The following RFX3 variants were observed in gnomAD, a reference collection of about 807,000 sequenced individuals.
RFX3 encodes the protein regulatory factor X3, also known as transcription factor RFX3.
In RFX3, 14 loss-of-function variants were observed where a neutral mutation model predicts 98.6. The observed-to-expected ratio is 0.14, with a 90% confidence interval of 0.09 to 0.22. The LOEUF (loss-of-function observed/expected upper bound fraction) is 0.22. RFX3 is among the 10% of genes least tolerant of loss of function. The pLI is 1.00. For missense variants in RFX3, 639 were observed against 926.9 expected (o/e 0.69, Z 4.03); for synonymous variants, 383 against 328.4 (o/e 1.17, Z -1.80).
intron 1 of RFX3, among the ~76,000 whole-genome samples, chr9:3,476,178 T>C (rs866789875): frequency 6.7e-6 from 1 of 149,982 alleles, no homozygotes; most frequent in South Asian, 2.1e-4. Context: ...ATATAATATA[T>C]ATAATATATA....
At chr9:3,468,825 A>G (rs80127520) in intron 1 of RFX3, among the ~76,000 whole-genome samples, 18 of 151,094 alleles carry the variant, frequency 1.2e-4, no homozygotes, top group African/African-American at 3.4e-4. Context: ...GAAAAAAAAA[A>G]AAAAAAGAAA....
intron 2 of RFX3, among the ~76,000 whole-genome samples, chr9:3,376,612 G>C (rs1279090063): frequency 6.6e-6 from 1 of 152,126 alleles, no homozygotes; most frequent in Non-Finnish European, 1.5e-5. Flanking sequence ...CTGAACTAAA[G>C]AGCTTCTGCA....
intron 1 of RFX3, among the ~76,000 whole-genome samples, chr9:3,482,520 C>G (rs1038578522): frequency 1.3e-5 from 2 of 152,170 alleles, no homozygotes; most frequent in African/African-American, 4.8e-5. Context: ...ATTGTTTTCA[C>G]TTAAAATAAT....
intron 4 of RFX3, among the ~76,000 whole-genome samples, chr9:3,313,589 T>C (rs936492102): frequency 1.3e-5 from 2 of 152,138 alleles, no homozygotes; most frequent in African/African-American, 2.4e-5. Context: ...TAAAGGAGGA[T>C]GTTCGAACCC....
Position 3,525,797 on chromosome 9 carries a change from G to A in RFX3, c.-59C>T. Reference sequence around the variant, plus strand: ...GTTGGTGGGTGATGGAGATGGTGGTGGTGGGGAGGAGGAGGAGGAAGAGGA... The same window carrying A: ...GTTGGTGGGTGATGGAGATGGTGGTAGTGGGGAGGAGGAGGAGGAAGAGGA... On this transcript the variant is annotated 5_prime_UTR_variant, in exon 1 of 17. Transcript: ENST00000617270. 1 of 621,038 alleles carries A rather than the reference G, an allele frequency of 1.6e-6. No homozygotes were observed. The highest frequency in any genetic ancestry group is 2.0e-6 in the Non-Finnish European group (1 of 496,392). 38.5% of individuals were successfully genotyped at this position (621,038 alleles called of 1,614,324 possible).
chr9:3,258,297 T>C (rs899644288), intron 13 of RFX3, among the ~76,000 whole-genome samples: 18 of 152,138 alleles, frequency 1.2e-4, no homozygotes, highest in African/African-American at 4.1e-4. Flanking sequence ...TACATATGTA[T>C]TTTTCTCAAA....
At chr9:3,331,694 A>C (rs974634472) in intron 3 of RFX3, among the ~76,000 whole-genome samples, 2 of 152,092 alleles carry the variant, frequency 1.3e-5, no homozygotes, top group Non-Finnish European at 2.9e-5. Flanking sequence ...CAATTTTTCT[A>C]GCACATCAAA....
At chr9:3,467,145 CATAATAT>C (rs1848347052) in intron 1 of RFX3, among the ~76,000 whole-genome samples, 1 of 136,040 alleles carries the variant, frequency 7.4e-6, no homozygotes, top group Non-Finnish European at 1.6e-5. Flanking sequence ...TATGTATATA[CATAATAT>C]ATATGTATAT....
At chr9:3,333,325 G>A (rs1012624897) in intron 3 of RFX3, among the ~76,000 whole-genome samples, 1 of 151,828 alleles carries the variant, frequency 6.6e-6, no homozygotes, top group African/African-American at 2.4e-5. Context: ...TAATAAGAGT[G>A]TTCTGAAAGT....
At chr9:3,415,171 T>TTA (rs374414473) in intron 1 of RFX3, among the ~76,000 whole-genome samples, 20,450 of 136,688 alleles carry the variant, frequency 0.15, 3,051 homozygotes, top group African/African-American at 0.38. Context: ...ATATATATAC[T>TTA]TATATATATA....
At chr9:3,469,482 A>G (rs1282743885) in intron 1 of RFX3, among the ~76,000 whole-genome samples, 1 of 152,162 alleles carries the variant, frequency 6.6e-6, no homozygotes, top group Admixed American at 6.5e-5. Flanking sequence ...AAATCTCTCA[A>G]TACTGGGTTC....
At chr9:3,229,106 G>A (rs982140871) in intron 15 of RFX3, among the ~76,000 whole-genome samples, 2 of 152,058 alleles carry the variant, frequency 1.3e-5, no homozygotes, top group African/African-American at 4.8e-5. Flanking sequence ...TAGCCTCTTC[G>A]CAGAAGGATA....
chr9:3,228,776 C>T (rs1454819223), intron 16 of RFX3, 71 bp downstream of exon 16: 6 of 1,259,844 alleles, frequency 4.8e-6, no homozygotes, highest in Non-Finnish European at 5.6e-6. Context: ...TAAACATATA[C>T]CGTATTTTCC....
chr9:3,396,347 G>A (rs200771755), intron 1 of RFX3, among the ~76,000 whole-genome samples: 20 of 152,094 alleles, frequency 1.3e-4, no homozygotes, highest in Admixed American at 9.2e-4. Flanking sequence ...AGCTTCATCC[G>A]TGTCCCTACA....
chr9:3,358,232 T>G (rs1453015468), intron 2 of RFX3, among the ~76,000 whole-genome samples: 1 of 152,190 alleles, frequency 6.6e-6, no homozygotes, highest in South Asian at 2.1e-4. Flanking sequence ...GGTTTAGGTC[T>G]GTATGACAAT....
intron 13 of RFX3, among the ~76,000 whole-genome samples, chr9:3,261,009 A>C (rs1046069653): frequency 4.0e-5 from 6 of 151,702 alleles, no homozygotes; most frequent in Middle Eastern, 3.4e-3. Context: ...TCAAGCCCAA[A>C]TGTTACTTTT....
At chr9:3,498,315 T>C (rs1019931484) in intron 1 of RFX3, among the ~76,000 whole-genome samples, 7 of 152,078 alleles carry the variant, frequency 4.6e-5, no homozygotes, top group Admixed American at 2.0e-4. Flanking sequence ...GTTCTTAATT[T>C]CAAAAAATGT....
chr9:3,313,675 T>G (rs1048583312), intron 4 of RFX3, among the ~76,000 whole-genome samples: 1 of 152,164 alleles, frequency 6.6e-6, no homozygotes, highest in Non-Finnish European at 1.5e-5. Flanking sequence ...GAGAAATCCT[T>G]AAATGACCTG....
intron 1 of RFX3, among the ~76,000 whole-genome samples, chr9:3,428,305 T>G (rs1844309821): frequency 6.6e-6 from 1 of 152,190 alleles, no homozygotes; most frequent in African/African-American, 2.4e-5. Context: ...ACTTGTATAA[T>G]TTATCAGCTT....
Sources: allele counts gnomAD v4.1 joint callset (sites outside exome capture counted in the v4.1 genomes callset), GRCh38; gene constraint gnomAD v4.1.1; transcripts MANE v1.5; gene names NCBI Gene and HGNC (gene_info 2026-07-23, HGNC 2026-07-21).